ZFX: variants seen among roughly 807,000 people sequenced by gnomAD.
The protein encoded by ZFX is zinc finger X-chromosomal protein.
For missense variants in ZFX, 362 were observed against 628.3 expected (o/e 0.58, Z 4.53); for synonymous variants, 196 against 226.8 (o/e 0.86, Z 1.22).
chrX:24,187,216 C>T (rs764553944), intron 5 of ZFX, among the ~76,000 whole-genome samples: 2 of 111,547 alleles, frequency 1.8e-5, no homozygotes, highest in Non-Finnish European at 3.8e-5. Flanking sequence ...AATAGCTTCT[C>T]CAAGGTCACT....
Position 24,215,892 on chromosome X carries a change from A to C in ZFX, c.*4516A>C. The C allele has an allele frequency of 9.0e-6, 1 of 110,859 alleles. No homozygotes were observed. The highest frequency in any genetic ancestry group is 4.6e-3 in the Middle Eastern group (1 of 218). 9.1% of individuals were successfully genotyped at this position (110,859 alleles called of 1,213,427 possible). On this transcript the variant is annotated 3_prime_UTR_variant, in exon 10 of 10. Transcript: ENST00000304543. ...TAATTGGCCCAGGGTTACTTAAATA[A>C]ATCATAACCATTTTGCCACATTCTG...
rs934384782 is a variant in ZFX, at chrX:24,212,190, T to G, written c.*814T>G. The stretch of plus-strand genomic sequence containing the variant: ...AATCTCCTAGAGGTAACTCATGGCT[T>G]ATAGGATCTTTTGCAACTTTATGTA... On this transcript the variant is annotated 3_prime_UTR_variant, in exon 10 of 10. Transcript: ENST00000304543. 1.8e-5 allele frequency: 2 copies of G among 112,190 alleles called. No homozygotes were observed. Among genetic ancestry groups the G allele is most frequent in the African/African-American group, 6.5e-5 (2 of 30,814 alleles). The allele number at this position is 112,190 out of a possible 1,213,427, so 9.2% of individuals were successfully genotyped here.
intron 5 of ZFX, among the ~76,000 whole-genome samples, chrX:24,186,356 G>A: frequency 9.0e-6 from 1 of 110,929 alleles, no homozygotes; most frequent in Middle Eastern, 4.7e-3. Context: ...GCTCACACCT[G>A]TAATCCCAGC....
chrX:24,208,338 CCTT>C lies in ZFX; in HGVS notation c.1063_1065del (p.Phe355del), dbSNP rs769418725. On this transcript the variant is annotated inframe_deletion, in exon 8 of 10. Coordinates refer to ENST00000304543, the MANE Select transcript of ZFX (RefSeq NM_003410.4). The stretch of plus-strand genomic sequence containing the variant: ...CAAATGGATGACAATGAAATCAAAA[CCTT>C]CATGCCGATTGCATGGGCAGCAGCT... 1 of 1,209,286 alleles carries C rather than the reference CCTT, an allele frequency of 8.3e-7. No individual in the cohort carries two copies. The highest frequency in any genetic ancestry group is 3.0e-5 in the East Asian group (1 of 33,725).
intron 5 of ZFX, among the ~76,000 whole-genome samples, chrX:24,206,459 CCTG>C (rs1569166590): frequency 9.2e-6 from 1 of 108,757 alleles, no homozygotes; most frequent in African/African-American, 3.4e-5. Flanking sequence ...ACCTCAGCCT[CCTG>C]AGTAGCTGGG....
intron 5 of ZFX, among the ~76,000 whole-genome samples, chrX:24,195,079 T>C (rs1936811325): frequency 8.9e-6 from 1 of 111,895 alleles, no homozygotes; most frequent in Non-Finnish European, 1.9e-5. Flanking sequence ...ACTACGTTGT[T>C]TGGCTGAAAG....
At chrX:24,182,461 C>A (rs1429191009) in intron 5 of ZFX, among the ~76,000 whole-genome samples, 1 of 111,407 alleles carries the variant, frequency 9.0e-6, no homozygotes, top group African/African-American at 3.3e-5. Context: ...AAAAGTATTT[C>A]CAACACTGTT....
intron 5 of ZFX, among the ~76,000 whole-genome samples, chrX:24,181,657 G>T (rs1466304582): frequency 8.9e-6 from 1 of 111,860 alleles, no homozygotes; most frequent in African/African-American, 3.2e-5. Flanking sequence ...AGATCAAAGG[G>T]TGTACACATT....
chrX:24,208,664 A>G (rs1261666370), intron 8 of ZFX, among the ~76,000 whole-genome samples: 1 of 111,719 alleles, frequency 9.0e-6, no homozygotes, highest in African/African-American at 3.3e-5. Flanking sequence ...TTTGGGAGAC[A>G]ACAAGGGAGT....
chrX:24,163,867 C>T (rs1327523050), intron 3 of ZFX, among the ~76,000 whole-genome samples: 2 of 101,567 alleles, frequency 2.0e-5, no homozygotes, highest in Non-Finnish European at 2.0e-5. Flanking sequence ...AAATTCATTA[C>T]GATCGGGTTT....
chrX:24,171,417 G>T (rs1013820953), intron 3 of ZFX, among the ~76,000 whole-genome samples: 3 of 111,025 alleles, frequency 2.7e-5, no homozygotes, highest in African/African-American at 9.8e-5. Context: ...AGAGGGAAGT[G>T]CTTGAAGGAA....
At chrX:24,179,098 T>G (rs1010598371) in intron 4 of ZFX, 85 bp from the exon 5 acceptor site, 7 of 832,736 alleles carry the variant, frequency 8.4e-6, no homozygotes, top group Non-Finnish European at 1.2e-5. Flanking sequence ...CTAATCTGTT[T>G]TCCCAGTAGA....
chrX:24,154,179 T>A (rs1932550022), intron 3 of ZFX, among the ~76,000 whole-genome samples: 1 of 112,384 alleles, frequency 8.9e-6, no homozygotes, highest in African/African-American at 3.2e-5. Flanking sequence ...TATGGAATAT[T>A]TTTAAATTAC....
At chrX:24,171,905 GGAGAGAGAGA>G (rs1213136127) in intron 3 of ZFX, among the ~76,000 whole-genome samples, 14 of 41,899 alleles carry the variant, frequency 3.3e-4, no homozygotes, top group East Asian at 2.9e-3. Flanking sequence ...AGAGAGAGAA[GGAGAGAGAGA>G]GAGAGAGAGA....
At chrX:24,196,274 G>A in intron 5 of ZFX, among the ~76,000 whole-genome samples, 1 of 111,022 alleles carries the variant, frequency 9.0e-6, no homozygotes, top group East Asian at 2.8e-4. Flanking sequence ...CAACACGCCC[G>A]GCTAATTTTT....
rs760962081 is a variant in ZFX at position 24,176,040 on chromosome X, C to CT, written c.59-3127dup. On this transcript the variant is annotated intron_variant, in intron 4 of 9. Coordinates refer to ENST00000304543, the MANE Select transcript of ZFX (RefSeq NM_003410.4). ...CTGTAGAAATTAAAGTGAACATACT[C>CT]TTTTTTTTTTTTTTTTGAGATGGAG... Among the ~76,000 whole-genome samples the CT allele has an allele frequency of 7.6e-3, 731 of 95,790 alleles. 6 individuals carry two copies. The highest frequency in any genetic ancestry group is 0.019 in the African/African-American group (510 of 26,290). The allele number at this position is 95,790 out of a possible 115,157, so 83.2% of individuals were successfully genotyped here. A position where few individuals can be genotyped will look rare whatever the true frequency, so the allele number is the denominator to read the frequency against.
Position 24,215,298 on chromosome X carries a change from G to A in ZFX, c.*3922G>A, listed in dbSNP as rs988020246. The A allele has an allele frequency of 9.0e-6, 1 of 110,617 alleles. No individual in the cohort carries two copies. The highest frequency in any genetic ancestry group is 3.3e-5 in the African/African-American group (1 of 29,860). The allele number at this position is 110,617 out of a possible 1,213,427, so 9.1% of individuals were successfully genotyped here. On this transcript the variant is annotated 3_prime_UTR_variant, in exon 10 of 10. Coordinates refer to ENST00000304543, the MANE Select transcript of ZFX (RefSeq NM_003410.4). ...ATAATTTCATTTCCCACAAATTCTAGCATTCATGTAAGGAAAAACATGGCT... is the reference window on the plus strand; with the variant it reads ...ATAATTTCATTTCCCACAAATTCTAACATTCATGTAAGGAAAAACATGGCT...
At chrX:24,154,657 A>G (rs2063208221) in intron 3 of ZFX, among the ~76,000 whole-genome samples, 2 of 112,130 alleles carry the variant, frequency 1.8e-5, no homozygotes. Flanking sequence ...ATGTCATAAT[A>G]GATAGAATGC....
At chrX:24,192,474 T>C (rs16982914) in intron 5 of ZFX, among the ~76,000 whole-genome samples, 6,877 of 111,582 alleles carry the variant, frequency 0.062, 562 homozygotes, top group African/African-American at 0.21. Context: ...TCAAGTTTAA[T>C]TAGAGTTTGA....
Sources: gnomAD v4.1 joint callset for allele counts (sites outside exome capture counted in the v4.1 genomes callset) on GRCh38, gnomAD v4.1.1 for gene constraint, MANE v1.5 for transcripts, NCBI Gene and HGNC (gene_info 2026-07-23, HGNC 2026-07-21) for gene names.